The following PDGFD variants were observed in gnomAD, a reference collection of about 807,000 sequenced individuals.
PDGFD encodes the protein platelet-derived growth factor D.
In PDGFD, 30 loss-of-function variants were observed where a neutral mutation model predicts 44.7. That is an observed-to-expected ratio of 0.67 (90% CI 0.50 to 0.91). PDGFD has a LOEUF of 0.91. Among genes scored for constraint, PDGFD ranks in the 40% least tolerant of loss-of-function variants. The pLI, the probability that PDGFD is intolerant of heterozygous loss-of-function variation, is 0.00. For synonymous variants in PDGFD, 173 were observed against 168.4 expected (o/e 1.03, Z -0.21); for missense variants, 445 against 457.8 (o/e 0.97, Z 0.25).
At chr11:103,928,414 T>C (rs1591080374) in intron 5 of PDGFD, among the ~76,000 whole-genome samples, 1 of 152,180 alleles carries the variant, frequency 6.6e-6, no homozygotes, top group Non-Finnish European at 1.5e-5. Context: ...CCCTGGTAAA[T>C]GTCTTAGGCT....
chr11:104,006,844 A>G (rs1379506617), intron 1 of PDGFD, among the ~76,000 whole-genome samples: 1 of 152,218 alleles, frequency 6.6e-6, no homozygotes, highest in East Asian at 1.9e-4. Flanking sequence ...CGCCTCCACC[A>G]TTCAATAAAA....
Position 104,037,087 on chromosome 11 carries a change from C to T in PDGFD, c.125-36832G>A, listed in dbSNP as rs1361081860. 4.3e-6 allele frequency: 7 copies of T among 1,614,194 alleles called. No homozygotes were observed. The East Asian group carries it at 1.3e-4, about 31-fold the overall frequency. ...GGGACCTCGGGCTCCAGGGCGTGCCCCGAACCAGCCTCGTGTAGACTTCAG... is the reference window on the plus strand; with the variant it reads ...GGGACCTCGGGCTCCAGGGCGTGCCTCGAACCAGCCTCGTGTAGACTTCAG... On this transcript the variant is annotated intron_variant, in intron 1 of 6. Transcript: ENST00000393158.
At chr11:103,917,601 T>C (rs568000087) in intron 6 of PDGFD, among the ~76,000 whole-genome samples, 23 of 152,306 alleles carry the variant, frequency 1.5e-4, no homozygotes, top group African/African-American at 4.8e-4. Context: ...CACTATTTTT[T>C]TTTTTCTTTT....
chr11:104,004,978 A>G (rs992869849), intron 1 of PDGFD, among the ~76,000 whole-genome samples: 2 of 141,790 alleles, frequency 1.4e-5, no homozygotes, highest in African/African-American at 5.3e-5. Flanking sequence ...TCCCGGGTTC[A>G]AGCAAGTCTC....
chr11:104,107,615 G>C (rs1023840573), intron 1 of PDGFD, among the ~76,000 whole-genome samples: 2 of 152,184 alleles, frequency 1.3e-5, no homozygotes, highest in Non-Finnish European at 2.9e-5. Flanking sequence ...AAATTCCATA[G>C]TAGAGATGAA....
chr11:104,111,135 A>T (rs1861548626), intron 1 of PDGFD, among the ~76,000 whole-genome samples: 1 of 152,126 alleles, frequency 6.6e-6, no homozygotes, highest in Non-Finnish European at 1.5e-5. Flanking sequence ...GAGTCCTAAC[A>T]GACTCATAGT....
At chr11:103,965,376 A>T (rs1452998927) in intron 3 of PDGFD, among the ~76,000 whole-genome samples, 1 of 152,214 alleles carries the variant, frequency 6.6e-6, no homozygotes, top group Non-Finnish European at 1.5e-5. Context: ...TAATAGTTGT[A>T]CAAAATGCAA....
chr11:104,064,654 C>T (rs928068616), intron 1 of PDGFD, among the ~76,000 whole-genome samples: 1 of 151,784 alleles, frequency 6.6e-6, no homozygotes, highest in African/African-American at 2.4e-5. Context: ...GGAAGGGAGA[C>T]CAAAGAAGAA....
At chr11:104,006,094 G>A (rs1859697488) in intron 1 of PDGFD, among the ~76,000 whole-genome samples, 1 of 152,146 alleles carries the variant, frequency 6.6e-6, no homozygotes, top group Non-Finnish European at 1.5e-5. Context: ...GCTCATGAAA[G>A]TCACTGTAGG....
intron 3 of PDGFD, among the ~76,000 whole-genome samples, chr11:103,959,781 T>A (rs1010201926): frequency 1.3e-5 from 2 of 152,182 alleles, no homozygotes; most frequent in African/African-American, 2.4e-5. Flanking sequence ...AGAGACCTCC[T>A]GGGGGCAACT....
At chr11:103,970,112 G>GT (rs1859081425) in intron 3 of PDGFD, among the ~76,000 whole-genome samples, 1 of 152,032 alleles carries the variant, frequency 6.6e-6, no homozygotes, top group South Asian at 2.1e-4. Flanking sequence ...TAGGGCCCTG[G>GT]TTAGGGCAGA....
intron 1 of PDGFD, among the ~76,000 whole-genome samples, chr11:104,016,188 T>A (rs953817507): frequency 7.2e-5 from 11 of 152,096 alleles, no homozygotes; most frequent in African/African-American, 2.7e-4. Flanking sequence ...TCACAGGAAG[T>A]CAGGAGGTAG....
chr11:103,925,980 C>T lies in PDGFD; in HGVS notation c.987+932G>A, dbSNP rs570796129. ...CTGACCTCAGGTGATCCACCCACCT[C>T]GGCCTCCCAAAGTGCTAGGATTACA... On this transcript the variant is annotated intron_variant, in intron 6 of 6. Transcript: ENST00000393158. 3.3e-5 allele frequency among the ~76,000 whole-genome samples: 5 copies of T among 152,102 alleles called. No homozygotes were observed. In the East Asian group the frequency reaches 7.7e-4, roughly 24 times the overall value.
intron 5 of PDGFD, among the ~76,000 whole-genome samples, chr11:103,941,856 C>T (rs1040313223): frequency 1.8e-4 from 27 of 151,960 alleles, no homozygotes; most frequent in African/African-American, 6.3e-4. Context: ...ATAAAATTTC[C>T]TCTGGGGTTT....
chr11:103,909,485 A>C lies in PDGFD; in HGVS notation c.*209T>G, dbSNP rs1214846428. The C allele has an allele frequency of 7.2e-6, 4 of 558,704 alleles. No homozygotes were observed. Among genetic ancestry groups the C allele is most frequent in the African/African-American group, 5.6e-5 (3 of 53,296 alleles). The allele number at this position is 558,704 out of a possible 1,614,324, so 34.6% of individuals were successfully genotyped here. On this transcript the variant is annotated 3_prime_UTR_variant, in exon 7 of 7. Coordinates refer to ENST00000393158, the MANE Select transcript of PDGFD (RefSeq NM_025208.5). ...AACCTCAAACACTATTATTAAATGC[A>C]ATCCTATATTCTTAGGTATAGAAGT...
intron 1 of PDGFD, among the ~76,000 whole-genome samples, chr11:104,116,792 G>T (rs1861646928): frequency 6.6e-6 from 1 of 151,840 alleles, no homozygotes; most frequent in African/African-American, 2.4e-5. Context: ...CTTTCCCGTG[G>T]CATTTTCATG....
At chr11:103,949,990 T>C (rs766572801) in intron 3 of PDGFD, among the ~76,000 whole-genome samples, 2 of 152,170 alleles carry the variant, frequency 1.3e-5, no homozygotes, top group Non-Finnish European at 2.9e-5. Context: ...TGAGTCATGT[T>C]GGGCATAGTG....
intron 1 of PDGFD, among the ~76,000 whole-genome samples, chr11:104,044,086 G>A (rs1180368493): frequency 2.6e-5 from 4 of 152,304 alleles, no homozygotes. Flanking sequence ...TGAAGCATTT[G>A]TCACATACTT....
chr11:103,985,681 G>C (rs1859352668), intron 3 of PDGFD, among the ~76,000 whole-genome samples: 1 of 149,246 alleles, frequency 6.7e-6, no homozygotes, highest in Non-Finnish European at 1.5e-5. Context: ...GTAAGGAAAA[G>C]GGAGAATTGA....
Sources: gnomAD v4.1 joint callset for allele counts (sites outside exome capture counted in the v4.1 genomes callset) on GRCh38, gnomAD v4.1.1 for gene constraint, MANE v1.5 for transcripts, NCBI Gene and HGNC (gene_info 2026-07-23, HGNC 2026-07-21) for gene names.